The following EXOC4 variants were observed in gnomAD, a reference collection of about 807,000 sequenced individuals.
EXOC4 encodes SEC8-like 1.
EXOC4 carries 71 observed loss-of-function variants against 107.2 expected under a neutral mutation model. The ratio of observed to expected loss-of-function variants is 0.66; its 90% CI spans 0.55 to 0.81. EXOC4 has a LOEUF of 0.81. EXOC4 is among the 30% of genes least tolerant of loss of function. The pLI is 0.00. For missense variants in EXOC4, 1,108 were observed against 1,189.6 expected (o/e 0.93, Z 1.01); for synonymous variants, 456 against 441.2 (o/e 1.03, Z -0.42).
intron 7 of EXOC4, among the ~76,000 whole-genome samples, chr7:133,450,265 G>A (rs1798311894): frequency 6.6e-6 from 1 of 152,104 alleles, no homozygotes; most frequent in Non-Finnish European, 1.5e-5. Flanking sequence ...TTCGGCTCAA[G>A]CAATCCTCCT....
chr7:133,422,644 G>T (rs1217105812), intron 7 of EXOC4, among the ~76,000 whole-genome samples: 1 of 152,026 alleles, frequency 6.6e-6, no homozygotes, highest in African/African-American at 2.4e-5. Context: ...TGTTTTACTG[G>T]CTCATGGAGC....
At chr7:133,514,474 A>G (rs1799835925) in intron 9 of EXOC4, among the ~76,000 whole-genome samples, 1 of 152,090 alleles carries the variant, frequency 6.6e-6, no homozygotes, top group East Asian at 1.9e-4. Flanking sequence ...GAACATCTTT[A>G]TACTTAAAAC....
intron 9 of EXOC4, among the ~76,000 whole-genome samples, chr7:133,619,310 A>G (rs1401863771): frequency 6.6e-6 from 1 of 152,196 alleles, no homozygotes; most frequent in Non-Finnish European, 1.5e-5. Context: ...TCCGTTCAAA[A>G]TAATTTCTTT....
At chr7:133,999,313 T>A (rs1794473534) in intron 15 of EXOC4, among the ~76,000 whole-genome samples, 1 of 152,200 alleles carries the variant, frequency 6.6e-6, no homozygotes. Context: ...TGGATTTCTT[T>A]CCAGGGTGAC....
chr7:133,978,143 T>C (rs1005737909), intron 14 of EXOC4, among the ~76,000 whole-genome samples: 1 of 152,244 alleles, frequency 6.6e-6, no homozygotes, highest in South Asian at 2.1e-4. Flanking sequence ...TAACCAAGTA[T>C]GCATCCTTTG....
intron 10 of EXOC4, among the ~76,000 whole-genome samples, chr7:133,740,623 A>G (rs1247424100): frequency 6.6e-6 from 1 of 152,186 alleles, no homozygotes; most frequent in Non-Finnish European, 1.5e-5. Flanking sequence ...CACACATCTC[A>G]GCAAATTGCT....
intron 11 of EXOC4, among the ~76,000 whole-genome samples, chr7:133,850,174 C>T (rs1451720740): frequency 1.3e-5 from 2 of 152,126 alleles, no homozygotes; most frequent in Admixed American, 6.5e-5. Flanking sequence ...GAAAATTTTT[C>T]TCTGGGTACT....
At chr7:133,442,758 T>G (rs1798132437) in intron 7 of EXOC4, among the ~76,000 whole-genome samples, 1 of 152,088 alleles carries the variant, frequency 6.6e-6, no homozygotes, top group Non-Finnish European at 1.5e-5. Context: ...AATCGAAGAT[T>G]TGCTGGATAC....
chr7:133,317,698 T>C (rs1030569092), intron 5 of EXOC4, among the ~76,000 whole-genome samples: 1 of 152,180 alleles, frequency 6.6e-6, no homozygotes, highest in Non-Finnish European at 1.5e-5. Flanking sequence ...TTCTTTTTTT[T>C]TGAGACGGAG....
At chr7:133,836,773 C>T (rs1184235964) in intron 11 of EXOC4, among the ~76,000 whole-genome samples, 1 of 152,126 alleles carries the variant, frequency 6.6e-6, no homozygotes, top group Non-Finnish European at 1.5e-5. Context: ...TGGATCCATC[C>T]TCCTGCCTCC....
At chr7:133,860,537 C>G (rs1405819494) in intron 11 of EXOC4, among the ~76,000 whole-genome samples, 1 of 152,186 alleles carries the variant, frequency 6.6e-6, no homozygotes, top group African/African-American at 2.4e-5. Flanking sequence ...ATCTTTCCCC[C>G]CTTACAGCTG....
intron 5 of EXOC4, among the ~76,000 whole-genome samples, chr7:133,328,607 G>C (rs116408318): frequency 0.012 from 1,884 of 152,234 alleles, 33 homozygotes; most frequent in African/African-American, 0.043. Flanking sequence ...CTTTTGTAAG[G>C]CAGGCCTGGT....
intron 7 of EXOC4, among the ~76,000 whole-genome samples, chr7:133,382,711 A>G (rs1796644128): frequency 6.6e-6 from 1 of 152,218 alleles, no homozygotes; most frequent in African/African-American, 2.4e-5. Flanking sequence ...CTTTGAATGG[A>G]AAACATTTCC....
intron 7 of EXOC4, among the ~76,000 whole-genome samples, chr7:133,404,560 G>C (rs528656334): frequency 6.6e-6 from 1 of 151,962 alleles, no homozygotes; most frequent in African/African-American, 2.4e-5. Context: ...TGTACCCTTT[G>C]TTGTAGAATT....
At chr7:133,497,046 A>G (rs1160520351) in intron 9 of EXOC4, among the ~76,000 whole-genome samples, 1 of 152,166 alleles carries the variant, frequency 6.6e-6, no homozygotes, top group East Asian at 1.9e-4. Flanking sequence ...ACCTGGGGTC[A>G]TCTCTGTCTA....
At chr7:133,621,564 A>G (rs1238029662) in intron 9 of EXOC4, among the ~76,000 whole-genome samples, 1 of 152,204 alleles carries the variant, frequency 6.6e-6, no homozygotes. Context: ...TTTTACTTCA[A>G]AACATATGAG....
At chr7:133,847,875 A>ATT (rs55923568) in intron 11 of EXOC4, among the ~76,000 whole-genome samples, 1,305 of 85,030 alleles carry the variant, frequency 0.015, 129 homozygotes, top group African/African-American at 0.042. Context: ...TGCCCAGCTA[A>ATT]TTTTTTTTTT....
intron 10 of EXOC4, among the ~76,000 whole-genome samples, chr7:133,741,783 GTATC>G (rs1260972363): frequency 6.6e-6 from 1 of 152,144 alleles, no homozygotes; most frequent in Non-Finnish European, 1.5e-5. Flanking sequence ...TTATGGATGA[GTATC>G]TATGACTTTA....
intron 9 of EXOC4, among the ~76,000 whole-genome samples, chr7:133,610,752 T>G (rs998350099): frequency 1.4e-4 from 22 of 152,066 alleles, no homozygotes; most frequent in Non-Finnish European, 2.5e-4. Context: ...TAACTAGCAT[T>G]TATAATGTCC....
Sources: allele counts gnomAD v4.1 joint callset (sites outside exome capture counted in the v4.1 genomes callset), GRCh38; gene constraint gnomAD v4.1.1; transcripts MANE v1.5; gene names NCBI Gene and HGNC (gene_info 2026-07-23, HGNC 2026-07-21).